Variants in MYH2 observed in about 807,000 individuals in gnomAD.
The protein encoded by MYH2 is myosin-2.
Under a neutral mutation model 228.1 loss-of-function variants are expected in MYH2, and 139 were observed. The ratio of observed to expected loss-of-function variants is 0.61; its 90% CI spans 0.53 to 0.70. The LOEUF (loss-of-function observed/expected upper bound fraction) is 0.70. Among genes scored for constraint, MYH2 ranks in the 30% least tolerant of loss-of-function variants. The pLI, the probability that MYH2 is intolerant of heterozygous loss-of-function variation, is 0.00. For synonymous variants in MYH2, 796 were observed against 871.1 expected, an observed-to-expected ratio of 0.91 and a Z score of 1.52; for missense variants, 1,809 against 2,357.5, an observed-to-expected ratio of 0.77 and a Z score of 4.82.
intron 19 of MYH2, among the ~76,000 whole-genome samples, chr17:10,534,670 A>G (rs975486498): frequency 1.3e-5 from 2 of 152,208 alleles, no homozygotes; most frequent in Non-Finnish European, 2.9e-5. Flanking sequence ...TAATCCCAAA[A>G]CTTTTGGAGG....
In MYH2 at chr17:10,524,166, C is replaced by A. The variant is rs916946595; in HGVS notation, c.5176-282G>T. ...TTCACAGGGATAAAAGTATAATGGA[C>A]TTTCTCATAACATTCCATTTCTCCA... On this transcript the variant is annotated intron_variant, in intron 35 of 39. Transcript: ENST00000245503. The surrounding 1 kb of genome is among the most constrained non-coding windows in gnomAD (Gnocchi z 4.7). 6.6e-6 allele frequency among the ~76,000 whole-genome samples: 1 copy of A among 152,122 alleles called. No individual in the cohort carries two copies. Among genetic ancestry groups the A allele is most frequent in the Non-Finnish European group, 1.5e-5 (1 of 68,036 alleles).
chr17:10,533,910 C>A (rs1656233196), intron 19 of MYH2, among the ~76,000 whole-genome samples: 1 of 152,150 alleles, frequency 6.6e-6, no homozygotes, highest in Non-Finnish European at 1.5e-5. Flanking sequence ...TGTGCCTAAC[C>A]AATAAAATGT....
At chr17:10,530,169 C>T (rs1025670755) in intron 22 of MYH2, 95 bp from the exon 23 acceptor site, 3 of 1,603,346 alleles carry the variant, frequency 1.9e-6, no homozygotes, top group African/African-American at 1.3e-5. Context: ...TTTTGAATTT[C>T]CTATATTCAT....
In MYH2 at chr17:10,525,020, C is replaced by T; in HGVS notation, c.4708G>A (p.Glu1570Lys). 3.1e-6 allele frequency: 5 copies of T among 1,614,158 alleles called. No individual in the cohort carries two copies. The highest frequency in any genetic ancestry group is 4.2e-6 in the Non-Finnish European group (5 of 1,180,022). ...ACCTCAGACTTGACTTGGTTCAACT[C>T]AAGCTGGATGCGCAGGATCTTTCCC... ...EEGKILRIQL[E>K]LNQVKSEVDR... Residue 1570 changes from glutamate to lysine, a missense_variant, in exon 34 of 40, where the codon GAG becomes AAG. This residue lies in a region of MYH2 where 636 missense variants were observed against 729.9 expected (regional missense o/e 0.87). Transcript: ENST00000245503. This position sits in a 1 kb window ranked among gnomAD's most constrained non-coding sequence, Gnocchi z 4.2.
chr17:10,534,458 G>C (rs770768625), intron 19 of MYH2, among the ~76,000 whole-genome samples: 2 of 152,148 alleles, frequency 1.3e-5, no homozygotes, highest in Non-Finnish European at 2.9e-5. Context: ...CTTGCACTGT[G>C]TTTTTGCGAG....
Position 10,525,649 on chromosome 17 carries a change from G to A in MYH2, c.4372-33C>T. ...ACCAAGACCTGTTACCTGCTGCAAA[G>A]ACAAAAGAGTAGAGTAAAGAGCAGA... On this transcript the variant is annotated intron_variant, in intron 31 of 39. Coordinates refer to ENST00000245503, the MANE Select transcript of MYH2 (RefSeq NM_017534.6). This position sits in a 1 kb window ranked among gnomAD's most constrained non-coding sequence, Gnocchi z 4.2. The A allele has an allele frequency of 3.1e-6, 5 of 1,614,174 alleles. No homozygotes were observed. Among genetic ancestry groups the A allele is most frequent in the South Asian group, 2.2e-5 (2 of 91,078 alleles).
intron 1 of MYH2, 79 bp downstream of exon 1, chr17:10,549,557 A>T (rs1334021037): frequency 2.0e-5 from 3 of 152,266 alleles, no homozygotes; most frequent in Non-Finnish European, 4.4e-5. Flanking sequence ...AAGGAGCAGT[A>T]CCAGAACTAG....
intron 7 of MYH2, 30 bp from the exon 8 acceptor site, chr17:10,543,833 G>C: frequency 6.2e-7 from 1 of 1,613,900 alleles, no homozygotes; most frequent in Non-Finnish European, 8.5e-7. Flanking sequence ...CCTTGCATCT[G>C]GGGCTTGGGA....
intron 10 of MYH2, among the ~76,000 whole-genome samples, chr17:10,540,998 T>C (rs1567735461): frequency 6.6e-6 from 1 of 152,214 alleles, no homozygotes; most frequent in South Asian, 2.1e-4. Context: ...TGATTTCCTA[T>C]GCCTGTCTTT....
At chr17:10,536,713 T>A in intron 16 of MYH2, 107 bp from the exon 17 acceptor site, 1 of 1,010,932 alleles carries the variant, frequency 9.9e-7, no homozygotes, top group Non-Finnish European at 1.5e-6. Context: ...TCTACCCAGC[T>A]GGCCTCTCTG....
Position 10,529,245 on chromosome 17 carries a change from A to T in MYH2, c.3271T>A (p.Phe1091Ile), listed in dbSNP as rs563585398. 5 of 1,614,144 alleles carry T rather than the reference A, an allele frequency of 3.1e-6. No individual in the cohort carries two copies. The highest frequency in any genetic ancestry group is 1.1e-5 in the South Asian group (1 of 91,078). ...QLDEKLKKKE[F>I]EISNLQSKIE... ...TTGCTTTGCAGATTGCTGATTTCAA[A>T]CTCTTTCCTTTTAGAAAAGTAGCAA... Residue 1091 changes from phenylalanine (F) to isoleucine (I), a missense_variant, in exon 26 of 40, where the codon TTT becomes ATT. Physicochemically the swap from Phe to Ile is conservative, Grantham distance 21. Transcript: ENST00000245503.
intron 4 of MYH2, 115 bp downstream of exon 4, chr17:10,547,360 G>T: frequency 7.6e-7 from 1 of 1,323,436 alleles, no homozygotes; most frequent in Non-Finnish European, 1.1e-6. Context: ...AACTAGTTAT[G>T]CTGCAATGAA....
At chr17:10,535,813 T>G (rs1014389217) in intron 17 of MYH2, among the ~76,000 whole-genome samples, 4 of 152,204 alleles carry the variant, frequency 2.6e-5, no homozygotes, top group Non-Finnish European at 5.9e-5. Flanking sequence ...TTTTAGGGGA[T>G]AGAGATTATC....
chr17:10,523,061 T>C, intron 39 of MYH2, 29 bp downstream of exon 39: 1 of 1,486,906 alleles, frequency 6.7e-7, no homozygotes, highest in Non-Finnish European at 9.4e-7. Context: ...TTAGCTTAAT[T>C]TGAGGACTTC....
chr17:10,526,784 G>T lies in MYH2; in HGVS notation c.4002C>A (p.Ala1334=). 6.2e-7 allele frequency: 1 copy of T among 1,614,236 alleles called. No homozygotes were observed. Among genetic ancestry groups the T allele is most frequent in the Non-Finnish European group, 8.5e-7 (1 of 1,180,046 alleles). ...GGGAAGACTGCAGGGCATGCGCCAG[G>T]GCGTTCTTGGCCTATGGAGGCAGTT... The part of the protein sequence containing the change: ...QLEEEIKAKN[A]LAHALQSSRH... Residue 1334 remains alanine, a synonymous_variant, in exon 30 of 40, where the codon GCC becomes GCA. Coordinates refer to ENST00000245503, the MANE Select transcript of MYH2 (RefSeq NM_017534.6).
At chr17:10,548,417 G>T (rs986337518) in intron 2 of MYH2, among the ~76,000 whole-genome samples, 4 of 152,184 alleles carry the variant, frequency 2.6e-5, no homozygotes, top group African/African-American at 9.7e-5. Context: ...TTATATATGA[G>T]ATGTCATGAA....
intron 39 of MYH2, 35 bp downstream of exon 39, chr17:10,523,055 C>T (rs753113536): frequency 6.9e-7 from 1 of 1,447,376 alleles, no homozygotes; most frequent in South Asian, 1.1e-5. Flanking sequence ...TATTTATTAG[C>T]TTAATTTGAG....
intron 4 of MYH2, 48 bp downstream of exon 4, chr17:10,547,427 T>C: frequency 6.2e-7 from 1 of 1,609,040 alleles, no homozygotes; most frequent in Non-Finnish European, 8.5e-7. Flanking sequence ...AGCAGGATGG[T>C]AGGGTACATG....
In MYH2 at chr17:10,524,698, A is replaced by G. The variant is rs776285024; in HGVS notation, c.4972-29T>C. The G allele has an allele frequency of 4.3e-6, 7 of 1,614,062 alleles. No homozygotes were observed. Among genetic ancestry groups the G allele is most frequent in the Middle Eastern group, 1.6e-4 (1 of 6,084 alleles). On this transcript the variant is annotated intron_variant, in intron 34 of 39. Transcript: ENST00000245503. The surrounding 1 kb of genome is among the most constrained non-coding windows in gnomAD (Gnocchi z 4.7). ...TGAAACAAACCATCATTGAGACATC[A>G]TGTTCTCAGGGTTGCAGGCACCCCA...
Sources: gnomAD v4.1 joint callset for allele counts (sites outside exome capture counted in the v4.1 genomes callset) on GRCh38, gnomAD v4.1.1 for gene constraint, gnomAD v4.1.1 regional missense constraint, Gnocchi (gnomAD v3.1) non-coding constraint, MANE v1.5 for transcripts, NCBI Gene and HGNC (gene_info 2026-07-23, HGNC 2026-07-21) for gene names.